Variants in CLCN6 observed in about 807,000 individuals in gnomAD.
CLCN6 encodes Cl-/H+ antiporter 6, also known as H(+)/Cl(-) exchange transporter 6.
CLCN6 carries 70 observed loss-of-function variants against 109.8 expected under a neutral mutation model. The ratio of observed to expected loss-of-function variants is 0.64; its 90% confidence interval spans 0.53 to 0.78. CLCN6 has a LOEUF of 0.78. Ranked by LOEUF, CLCN6 falls within the 30% of genes least tolerant of loss-of-function variation. The pLI is 0.00. For synonymous variants in CLCN6, 444 were observed against 447.8 expected (o/e 0.99, Z 0.11); for missense variants, 984 against 1,142.3 (o/e 0.86, Z 2.00).
rs761488861 is a variant in CLCN6, at chr1:11,838,519, C to T, written c.2404-16C>T. On this transcript the variant is annotated splice_polypyrimidine_tract_variant and intron_variant, in intron 21 of 22. Coordinates refer to ENST00000346436, the MANE Select transcript of CLCN6 (RefSeq NM_001286.5). ...TTGGCGTCTCAGGCAGTCAGTGACACGTGGTCTCTTTGCAGGATGTCACCC... is the reference window on the plus strand; with the variant it reads ...TTGGCGTCTCAGGCAGTCAGTGACATGTGGTCTCTTTGCAGGATGTCACCC... 31 of 1,607,082 alleles carry T rather than the reference C, an allele frequency of 1.9e-5. No homozygotes were observed. In the South Asian group the frequency reaches 2.2e-4, roughly 11 times the overall value.
intron 2 of CLCN6, 38 bp downstream of exon 2, chr1:11,807,228 TGA>T: frequency 6.4e-7 from 1 of 1,573,888 alleles, no homozygotes; most frequent in South Asian, 1.1e-5. Context: ...ACTAAAGTAG[TGA>T]GTGGCCTGGT....
intron 10 of CLCN6, among the ~76,000 whole-genome samples, 188 bp from the exon 11 acceptor site, chr1:11,827,918 C>T (rs1393599968): frequency 6.6e-6 from 1 of 152,154 alleles, no homozygotes; most frequent in Admixed American, 6.5e-5. Flanking sequence ...GGAACGGAAA[C>T]TTCTTAAAGC....
intron 13 of CLCN6, among the ~76,000 whole-genome samples, chr1:11,833,154 C>T (rs553197872): frequency 1.3e-5 from 2 of 152,248 alleles, no homozygotes; most frequent in Admixed American, 6.5e-5. Context: ...CACTTGCTCT[C>T]ACCTGCCTCA....
At position 11,806,306 on chromosome 1, in the gene CLCN6, G is replaced by A; in HGVS notation, c.44G>A (p.Cys15Tyr). The A allele has an allele frequency of 6.6e-7, 1 of 1,511,432 alleles. No homozygotes were observed. The highest frequency in any genetic ancestry group is 1.5e-5 in the African/African-American group (1 of 68,144). 93.6% of individuals were successfully genotyped at this position (1,511,432 alleles called of 1,614,324 possible). A position where few individuals can be genotyped will look rare whatever the true frequency, so the allele number is the denominator to read the frequency against. ...TCTCTGTGCTGCTGCTGCAGGTGGTGCTGCTGCTGCGGTGAGCGTGAGACC... is the reference window on the plus strand; with the variant it reads ...TCTCTGTGCTGCTGCTGCAGGTGGTACTGCTGCTGCGGTGAGCGTGAGACC... The part of the protein sequence containing the change: ...RGSLCCCCRW[C>Y]CCCGERETRT... The change falls in exon 1 of 23, where the codon TGC (cysteine) becomes TAC (tyrosine). Residue 15 changes from cysteine (C) to tyrosine (Y), a missense_variant. Coordinates refer to ENST00000346436, the MANE Select transcript of CLCN6 (RefSeq NM_001286.5).
rs1265003855 is a variant in CLCN6, at chr1:11,829,215, G to A, written c.1141G>A (p.Val381Met). 6.2e-7 allele frequency: 1 copy of A among 1,614,122 alleles called. No individual in the cohort carries two copies. The highest frequency in any genetic ancestry group is 1.7e-5 in the Admixed American group (1 of 60,026). ...KLVRVLESLL[V>M]SLVTTVVVFV... Reference sequence around the variant, plus strand: ...TCCTAGAGTCTTAGAGAGCCTCCTTGTGTCTCTGGTAACCACCGTGGTGGT... The same window carrying A: ...TCCTAGAGTCTTAGAGAGCCTCCTTATGTCTCTGGTAACCACCGTGGTGGT... The change falls in exon 13 of 23, where the codon GTG (valine) becomes ATG (methionine). Residue 381 changes from valine to methionine, a missense_variant. Val to Met is a conservative substitution (Grantham distance 21). Transcript: ENST00000346436.
intron 13 of CLCN6, among the ~76,000 whole-genome samples, chr1:11,831,179 C>G (rs1644879915): frequency 1.3e-5 from 2 of 150,076 alleles, no homozygotes; most frequent in African/African-American, 4.9e-5. Flanking sequence ...TTGTTTTTGG[C>G]AAAGTCTCAC....
At chr1:11,814,815 G>A (rs144795462) in intron 2 of CLCN6, among the ~76,000 whole-genome samples, 15,015 of 151,862 alleles carry the variant, frequency 0.099, 781 homozygotes, top group South Asian at 0.16. Flanking sequence ...GGCGGATCAC[G>A]AGGTCAGGAG....
intron 4 of CLCN6, among the ~76,000 whole-genome samples, chr1:11,818,028 G>T (rs755941176): frequency 2.0e-5 from 3 of 151,984 alleles, no homozygotes; most frequent in Non-Finnish European, 2.9e-5. Context: ...TTGAGAGGCC[G>T]AGACAGGAGG....
At position 11,809,006 on chromosome 1, in the gene CLCN6, C is replaced by T. The variant is rs757331452; in HGVS notation, c.147+1816C>T. Among the ~76,000 whole-genome samples the T allele has an allele frequency of 7.9e-5, 12 of 151,972 alleles. No individual in the cohort carries two copies. The South Asian group carries it at 8.3e-4, about 11-fold the overall frequency. On this transcript the variant is annotated intron_variant, in intron 2 of 22. Transcript: ENST00000346436. ...CCTCCCGAGTAGATGGGATTACAGG[C>T]GCCCACCACCATGCCCGGCTAATTT...
At position 11,828,635 on chromosome 1, in the gene CLCN6, A is replaced by T; in HGVS notation, c.1121+11A>T. 2 of 1,588,830 alleles carry T rather than the reference A, an allele frequency of 1.3e-6. No individual in the cohort carries two copies. The highest frequency in any genetic ancestry group is 8.6e-7 in the Non-Finnish European group (1 of 1,166,806). ...ACCTAAGCTCGTCAGGTATCTGCAC[A>T]GTCGCCTCCCCCCCGAGCCTGCTGC... On this transcript the variant is annotated intron_variant, in intron 12 of 22. Coordinates refer to ENST00000346436, the MANE Select transcript of CLCN6 (RefSeq NM_001286.5).
intron 10 of CLCN6, 82 bp downstream of exon 10, chr1:11,827,303 G>C: frequency 7.3e-7 from 1 of 1,362,652 alleles, no homozygotes; most frequent in Admixed American, 2.7e-5. Context: ...TGGAATGGTA[G>C]TTTTGATGAG....
intron 9 of CLCN6, 120 bp downstream of exon 9, chr1:11,826,334 A>T: frequency 1.3e-6 from 1 of 796,212 alleles, no homozygotes; most frequent in South Asian, 1.6e-5. Context: ...GACTGGGAGA[A>T]GGGGGCGGGC....
chr1:11,813,184 T>C (rs1446920003), intron 2 of CLCN6, among the ~76,000 whole-genome samples: 1 of 152,174 alleles, frequency 6.6e-6, no homozygotes, highest in Non-Finnish European at 1.5e-5. Context: ...GTGCAATGCA[T>C]GTTAAATAAG....
chr1:11,830,764 T>TATATATACAC lies in CLCN6; in HGVS notation c.1248+1443_1248+1444insTATATACACA, dbSNP rs1202765592. On this transcript the variant is annotated intron_variant, in intron 13 of 22. Transcript: ENST00000346436. ...ATATATATATATATATATATATATA[T>TATATATACAC]ACACACACACACTATATATACACAC... 5.2e-5 allele frequency among the ~76,000 whole-genome samples: 6 copies of TATATATACAC among 115,616 alleles called. 1 individual carries two copies. Among genetic ancestry groups the TATATATACAC allele is most frequent in the African/African-American group, 2.2e-4 (6 of 27,428 alleles). The allele number at this position is 115,616 out of a possible 152,430, so 75.8% of individuals were successfully genotyped here. A position where few individuals can be genotyped will look rare whatever the true frequency, so the allele number is the denominator to read the frequency against.
intron 17 of CLCN6, among the ~76,000 whole-genome samples, chr1:11,835,522 G>A (rs947724866): frequency 6.6e-6 from 1 of 152,174 alleles, no homozygotes; most frequent in African/African-American, 2.4e-5. Context: ...CAATCTGCTG[G>A]CCTCGGCCTC....
At chr1:11,826,299 G>A in intron 9 of CLCN6, 85 bp downstream of exon 9, 1 of 1,150,692 alleles carries the variant, frequency 8.7e-7, no homozygotes, top group Non-Finnish European at 1.3e-6. Context: ...GCTCTAGCCT[G>A]GCAGTATCCC....
chr1:11,812,647 A>G (rs1156685980), intron 2 of CLCN6, among the ~76,000 whole-genome samples: 29 of 145,338 alleles, frequency 2.0e-4, no homozygotes, highest in East Asian at 4.1e-4. Flanking sequence ...TCAAAAAAAA[A>G]AAAAGACAAA....
intron 22 of CLCN6, among the ~76,000 whole-genome samples, chr1:11,839,481 T>C (rs867982340): frequency 3.3e-5 from 5 of 152,210 alleles, no homozygotes; most frequent in Non-Finnish European, 7.4e-5. Context: ...AGGCTGGTCT[T>C]GAACTCCTGA....
At position 11,837,076 on chromosome 1, in the gene CLCN6, A is replaced by G. The variant is rs777933673; in HGVS notation, c.2058A>G (p.Leu686=). Residue 686 remains leucine, a synonymous_variant, in exon 19 of 23, where the codon CTA becomes CTG. Coordinates refer to ENST00000346436, the MANE Select transcript of CLCN6 (RefSeq NM_001286.5). ...TGAAGTCCTACCCATCCAGCGAGCT[A>G]CGGAACATGTGTGATGAGCACATCG... The part of the protein sequence containing the change: ...QSMKSYPSSE[L]RNMCDEHIAS... 9 of 1,613,442 alleles carry G rather than the reference A, an allele frequency of 5.6e-6. No homozygotes were observed. The East Asian group carries it at 2.0e-4, about 36-fold the overall frequency.
Sources: allele counts gnomAD v4.1 joint callset (sites outside exome capture counted in the v4.1 genomes callset), GRCh38; gene constraint gnomAD v4.1.1; transcripts MANE v1.5; gene names NCBI Gene and HGNC (gene_info 2026-07-23, HGNC 2026-07-21).